Variants in NIBAN1 observed in about 807,000 individuals in gnomAD.
The protein encoded by NIBAN1 is niban apoptosis regulator 1.
Under a neutral mutation model 75.1 loss-of-function variants are expected in NIBAN1, and 81 were observed. The observed-to-expected ratio is 1.08, with a 90% CI of 0.90 to 1.30. NIBAN1 has a LOEUF of 1.30. NIBAN1 is among the 50% of genes most tolerant of loss of function. The pLI, the probability that NIBAN1 is intolerant of heterozygous loss-of-function variation, is 0.00. For missense variants in NIBAN1, 1,133 were observed against 1,128.1 expected (o/e 1.00, Z -0.06); for synonymous variants, 436 against 424.8 (o/e 1.03, Z -0.32).
intron 9 of NIBAN1, among the ~76,000 whole-genome samples, chr1:184,813,347 A>G (rs1405069902): frequency 2.0e-5 from 3 of 152,214 alleles, no homozygotes; most frequent in Non-Finnish European, 2.9e-5. Context: ...CATTAACTTC[A>G]GTAATTTTTG....
intron 5 of NIBAN1, among the ~76,000 whole-genome samples, chr1:184,843,803 C>G (rs1053309854): frequency 2.6e-5 from 4 of 152,170 alleles, no homozygotes; most frequent in Non-Finnish European, 5.9e-5. Context: ...TGAAAACCAT[C>G]TAATTCCCTC....
In NIBAN1 at chr1:184,890,195, A is replaced by G; in HGVS notation, c.346T>C (p.Cys116Arg). ...EAYQRGAAPKCRILPAGGKVL... is the reference protein window; with the variant it reads ...EAYQRGAAPKRRILPAGGKVL... ...TTGCCACCGGCTGGAAGAATTCGACATTTAGGAGCAGCTCCTCTCTGATAG... is the reference window on the plus strand; with the variant it reads ...TTGCCACCGGCTGGAAGAATTCGACGTTTAGGAGCAGCTCCTCTCTGATAG... The change falls in exon 4 of 14, where the codon TGT becomes CGT. Residue 116 changes from cysteine (C) to arginine (R), a missense_variant. By Grantham distance (180) the Cys-to-Arg change is radical. Transcript: ENST00000367511. 1 of 1,613,924 alleles carries G rather than the reference A, an allele frequency of 6.2e-7. No individual in the cohort carries two copies. The highest frequency in any genetic ancestry group is 8.5e-7 in the Non-Finnish European group (1 of 1,179,836).
At chr1:184,857,679 CAAAT>C (rs1655714074) in intron 5 of NIBAN1, among the ~76,000 whole-genome samples, 1 of 151,938 alleles carries the variant, frequency 6.6e-6, no homozygotes, top group South Asian at 2.1e-4. Flanking sequence ...TGAGAATAAA[CAAAT>C]AGATATACAT....
At chr1:184,924,316 C>T (rs1163113217) in intron 1 of NIBAN1, among the ~76,000 whole-genome samples, 1 of 152,042 alleles carries the variant, frequency 6.6e-6, no homozygotes, top group Non-Finnish European at 1.5e-5. Context: ...TGGTTTTTGT[C>T]CTTAATTCTG....
intron 1 of NIBAN1, among the ~76,000 whole-genome samples, chr1:184,928,988 T>A (rs1180665724): frequency 6.6e-6 from 1 of 152,160 alleles, no homozygotes; most frequent in Non-Finnish European, 1.5e-5. Context: ...CCTGCACACA[T>A]ACAAATGAAT....
chr1:184,874,994 G>A (rs1656196542), intron 5 of NIBAN1, among the ~76,000 whole-genome samples: 1 of 152,104 alleles, frequency 6.6e-6, no homozygotes, highest in Non-Finnish European at 1.5e-5. Context: ...TCTGTCCACA[G>A]TGCAATTAAG....
chr1:184,936,519 A>C (rs1355369217), intron 1 of NIBAN1, among the ~76,000 whole-genome samples: 4 of 152,222 alleles, frequency 2.6e-5, no homozygotes, highest in African/African-American at 7.2e-5. Flanking sequence ...GGAGGCTAGA[A>C]GTCTAAGTCA....
chr1:184,941,102 T>C (rs1658077550), intron 1 of NIBAN1, among the ~76,000 whole-genome samples: 1 of 152,184 alleles, frequency 6.6e-6, no homozygotes, highest in Admixed American at 6.5e-5. Flanking sequence ...CTTACAGTTT[T>C]GACAAATGGA....
At chr1:184,832,260 G>A (rs1369145029) in intron 5 of NIBAN1, among the ~76,000 whole-genome samples, 2 of 152,098 alleles carry the variant, frequency 1.3e-5, no homozygotes, top group Non-Finnish European at 1.5e-5. Flanking sequence ...TCCACCCACA[G>A]GCACCCAGCG....
intron 7 of NIBAN1, 28 bp downstream of exon 7, chr1:184,823,610 T>G: frequency 6.2e-7 from 1 of 1,606,632 alleles, no homozygotes; most frequent in Non-Finnish European, 8.5e-7. Flanking sequence ...TTTGAGTAGC[T>G]CAGTTGTAGA....
chr1:184,917,721 G>T (rs111973912), intron 1 of NIBAN1, among the ~76,000 whole-genome samples: 9,654 of 151,512 alleles, frequency 0.064, 408 homozygotes, highest in African/African-American at 0.13. Context: ...AATATTTTTC[G>T]TCCAAACTCA....
chr1:184,961,734 G>C (rs550158122), intron 1 of NIBAN1, among the ~76,000 whole-genome samples: 1 of 152,318 alleles, frequency 6.6e-6, no homozygotes, highest in Admixed American at 6.5e-5. Context: ...TGATGGCTTA[G>C]GAAGGAATGT....
chr1:184,818,640 C>T lies in NIBAN1; in HGVS notation c.1171G>A (p.Glu391Lys). The T allele has an allele frequency of 6.3e-7, 1 of 1,597,452 alleles. No individual in the cohort carries two copies. Among genetic ancestry groups the T allele is most frequent in the East Asian group, 2.2e-5 (1 of 44,574 alleles). The change falls in exon 9 of 14, where the codon GAG (glutamate) becomes AAG (lysine). Residue 391 changes from glutamate to lysine, a missense_variant and splice_region_variant. Physicochemically the swap from Glu to Lys is moderately conservative, Grantham distance 56. Coordinates refer to ENST00000367511, the MANE Select transcript of NIBAN1 (RefSeq NM_052966.4). The stretch of plus-strand genomic sequence containing the variant: ...AGCTCCTCAGCTTTGTATCCTACCT[C>T]CTTTAGCTGGACACTGTCTTTGGTG... ...QTTKDSVQLK[E>K]HLDRLMNLPL...
intron 8 of NIBAN1, 129 bp downstream of exon 8, chr1:184,823,038 C>T (rs1243138218): frequency 9.3e-7 from 1 of 1,078,658 alleles, no homozygotes; most frequent in South Asian, 1.6e-5. Context: ...GTTCCTGTTG[C>T]AGCTGTGATC....
At chr1:184,902,356 C>T (rs148206916) in intron 1 of NIBAN1, among the ~76,000 whole-genome samples, 162 of 152,300 alleles carry the variant, frequency 1.1e-3, no homozygotes, top group African/African-American at 3.8e-3. Context: ...CTTCTTTCTG[C>T]TCACATGTTA....
chr1:184,904,255 C>A (rs1657029952), intron 1 of NIBAN1, among the ~76,000 whole-genome samples: 1 of 151,934 alleles, frequency 6.6e-6, no homozygotes, highest in Non-Finnish European at 1.5e-5. Flanking sequence ...GGTTTCGAAT[C>A]CCTAGACTCA....
intron 9 of NIBAN1, among the ~76,000 whole-genome samples, chr1:184,815,238 C>T (rs1258522741): frequency 6.6e-6 from 1 of 152,140 alleles, no homozygotes; most frequent in Non-Finnish European, 1.5e-5. Context: ...AATGTATTTT[C>T]CCCAGGTAAA....
At chr1:184,869,025 G>A (rs1656030292) in intron 5 of NIBAN1, among the ~76,000 whole-genome samples, 1 of 152,120 alleles carries the variant, frequency 6.6e-6, no homozygotes, top group Non-Finnish European at 1.5e-5. Context: ...AGTAGTATCA[G>A]CATCAGCATT....
At chr1:184,954,034 G>A (rs1164825226) in intron 1 of NIBAN1, among the ~76,000 whole-genome samples, 1 of 152,208 alleles carries the variant, frequency 6.6e-6, no homozygotes, top group African/African-American at 2.4e-5. Flanking sequence ...GAAAGATTAT[G>A]TATTGGTACT....
Sources: allele counts gnomAD v4.1 joint callset (sites outside exome capture counted in the v4.1 genomes callset), GRCh38; gene constraint gnomAD v4.1.1; transcripts MANE v1.5; gene names NCBI Gene and HGNC (gene_info 2026-07-23, HGNC 2026-07-21).